CNTN4: variants seen among roughly 807,000 people sequenced by gnomAD.
CNTN4 encodes the protein contactin 4.
A neutral mutation model predicts 122.5 loss-of-function variants in CNTN4; 77 were observed. The observed-to-expected ratio is 0.63, with a 90% CI of 0.52 to 0.76. The LOEUF is 0.76. Ranked by LOEUF, CNTN4 falls within the 30% of genes least tolerant of loss-of-function variation. The probability of loss-of-function intolerance (pLI) is 0.00; values close to 1 mark genes in which losing one functional copy is unlikely to be tolerated. For missense variants in CNTN4, 1,256 were observed against 1,259.1 expected (o/e 1.00, Z 0.04); for synonymous variants, 512 against 447.0 (o/e 1.15, Z -1.83).
chr3:2,762,186 C>T (rs147275180), intron 6 of CNTN4, among the ~76,000 whole-genome samples: 1 of 152,216 alleles, frequency 6.6e-6, no homozygotes, highest in Non-Finnish European at 1.5e-5. Flanking sequence ...GAAGAGCTGA[C>T]CTAAAAGTAG....
intron 3 of CNTN4, among the ~76,000 whole-genome samples, chr3:2,504,966 A>C (rs2076694498): frequency 6.6e-6 from 1 of 152,220 alleles, no homozygotes; most frequent in South Asian, 2.1e-4. Flanking sequence ...TGGGTCACAG[A>C]AACAGGAAAC....
At chr3:2,243,665 A>T (rs1206056729) in intron 2 of CNTN4, among the ~76,000 whole-genome samples, 2 of 152,248 alleles carry the variant, frequency 1.3e-5, no homozygotes, top group East Asian at 3.9e-4. Flanking sequence ...AATGGAGTGG[A>T]TGAATAGTGT....
At chr3:3,024,450 A>G (rs1261436697) in intron 14 of CNTN4, among the ~76,000 whole-genome samples, 1 of 150,158 alleles carries the variant, frequency 6.7e-6, no homozygotes, top group Non-Finnish European at 1.5e-5. Flanking sequence ...GTGAATCAAT[A>G]TAGCGGATTT....
intron 3 of CNTN4, among the ~76,000 whole-genome samples, chr3:2,391,931 C>A (rs1020471014): frequency 2.0e-5 from 3 of 152,106 alleles, no homozygotes; most frequent in Non-Finnish European, 2.9e-5. Flanking sequence ...TTAAATGGGG[C>A]AAATATGGAC....
intron 4 of CNTN4, among the ~76,000 whole-genome samples, chr3:2,594,644 A>G (rs1439858077): frequency 1.6e-5 from 2 of 123,440 alleles, no homozygotes; most frequent in African/African-American, 5.8e-5. Flanking sequence ...CTGGTCTTGA[A>G]CTCCTGACCT....
chr3:2,872,768 A>G (rs1009560351), intron 8 of CNTN4, among the ~76,000 whole-genome samples: 8 of 152,136 alleles, frequency 5.3e-5, no homozygotes, highest in African/African-American at 1.7e-4. Flanking sequence ...GGATATAGGT[A>G]TGTATATATA....
chr3:3,006,799 G>T (rs76411065), intron 14 of CNTN4, among the ~76,000 whole-genome samples: 83 of 152,238 alleles, frequency 5.5e-4, no homozygotes, highest in Non-Finnish European at 8.7e-4. Flanking sequence ...AGAAGTTTCC[G>T]TTTTTCCTCC....
intron 4 of CNTN4, among the ~76,000 whole-genome samples, chr3:2,695,027 G>A (rs557370877): frequency 1.3e-5 from 2 of 152,168 alleles, no homozygotes; most frequent in African/African-American, 2.4e-5. Context: ...TAGTTTTGGA[G>A]AGAATATCAA....
chr3:3,028,295 T>C (rs1171114177), intron 15 of CNTN4, among the ~76,000 whole-genome samples: 1 of 152,146 alleles, frequency 6.6e-6, no homozygotes, highest in African/African-American at 2.4e-5. Context: ...TTTTCTTTGG[T>C]AGGAACATAA....
rs138802452 is a variant in CNTN4 at position 2,118,603 on chromosome 3, A to G, written c.-145+17964A>G. 1.2e-3 allele frequency among the ~76,000 whole-genome samples: 190 copies of G among 152,376 alleles called. No individual in the cohort carries two copies. In the East Asian group the frequency reaches 0.018, roughly 14 times the overall value. On this transcript the variant is annotated intron_variant, in intron 2 of 24. Transcript: ENST00000418658. Reference sequence around the variant, plus strand: ...TATTCATTAATCTGAATGTATTTGAATATTCCAAATTCACTGTTTACATAT... The same window carrying G: ...TATTCATTAATCTGAATGTATTTGAGTATTCCAAATTCACTGTTTACATAT...
chr3:2,955,476 G>T (rs2094790130), intron 13 of CNTN4, among the ~76,000 whole-genome samples: 1 of 152,148 alleles, frequency 6.6e-6, no homozygotes, highest in South Asian at 2.1e-4. Flanking sequence ...GGCTGCAGCA[G>T]CTCTAGACAT....
chr3:2,296,517 T>A (rs1235911418), intron 2 of CNTN4, among the ~76,000 whole-genome samples: 3 of 152,116 alleles, frequency 2.0e-5, no homozygotes, highest in Non-Finnish European at 2.9e-5. Context: ...TAATATACCA[T>A]AATTGACAAG....
intron 8 of CNTN4, among the ~76,000 whole-genome samples, chr3:2,872,834 T>C (rs1187908555): frequency 2.6e-5 from 4 of 152,186 alleles, no homozygotes; most frequent in Non-Finnish European, 5.9e-5. Context: ...TCTAAATGTT[T>C]ATTATACTTC....
intron 4 of CNTN4, among the ~76,000 whole-genome samples, chr3:2,666,158 G>T (rs1350764112): frequency 6.6e-6 from 1 of 152,152 alleles, no homozygotes; most frequent in East Asian, 1.9e-4. Flanking sequence ...TTTCCTAGAA[G>T]AGACATAACA....
intron 4 of CNTN4, among the ~76,000 whole-genome samples, chr3:2,640,692 C>A (rs116720801): frequency 0.015 from 2,235 of 152,152 alleles, 20 homozygotes; most frequent in Admixed American, 0.026. Context: ...TGTGCACATA[C>A]ACACACACTT....
In CNTN4 at chr3:2,134,952, G is replaced by T. The variant is rs73806308; in HGVS notation, c.-145+34313G>T. ...AATATCCTCACAGACACACCCAGAA[G>T]TACATTTGACCAAATGTCTACACAA... On this transcript the variant is annotated intron_variant, in intron 2 of 24. Transcript: ENST00000418658. Among the ~76,000 whole-genome samples, 648 of 152,200 alleles carry T rather than the reference G, an allele frequency of 4.3e-3. 5 individuals are homozygous for T. Among genetic ancestry groups the T allele is most frequent in the African/African-American group, 0.015 (615 of 41,524 alleles).
At chr3:2,691,533 G>A (rs1320064788) in intron 4 of CNTN4, among the ~76,000 whole-genome samples, 1 of 152,130 alleles carries the variant, frequency 6.6e-6, no homozygotes, top group Non-Finnish European at 1.5e-5. Flanking sequence ...CAAGGTGGGA[G>A]TTTTCTCCAC....
intron 17 of CNTN4, among the ~76,000 whole-genome samples, chr3:3,036,375 T>G (rs1445765681): frequency 1.3e-5 from 2 of 152,140 alleles, no homozygotes; most frequent in Non-Finnish European, 2.9e-5. Context: ...ATATAGAAGT[T>G]AGGAGATGAA....
At chr3:2,846,100 A>G (rs1321794820) in intron 7 of CNTN4, among the ~76,000 whole-genome samples, 4 of 152,184 alleles carry the variant, frequency 2.6e-5, no homozygotes, top group African/African-American at 4.8e-5. Context: ...AGATTTTACA[A>G]TGCTAATAAG....
Sources: allele counts gnomAD v4.1 joint callset (sites outside exome capture counted in the v4.1 genomes callset), GRCh38; gene constraint gnomAD v4.1.1; transcripts MANE v1.5; gene names NCBI Gene and HGNC (gene_info 2026-07-23, HGNC 2026-07-21).